The following C8A variants were observed in gnomAD, a reference collection of about 807,000 sequenced individuals.
C8A encodes the protein complement component C8 alpha chain.
A neutral mutation model predicts 65.3 loss-of-function variants in C8A; 67 were observed. The ratio of observed to expected loss-of-function variants is 1.03; its 90% CI spans 0.84 to 1.26. C8A has a LOEUF of 1.26. Ranked by LOEUF, C8A falls within the 50% of genes most tolerant of loss-of-function variation. The pLI, the probability that C8A is intolerant of heterozygous loss-of-function variation, is 0.00. For missense variants in C8A, 781 were observed against 723.9 expected (o/e 1.08, Z -0.90); for synonymous variants, 290 against 259.4 (o/e 1.12, Z -1.13).
chr1:56,909,836 T>C (rs1384835347), intron 9 of C8A, among the ~76,000 whole-genome samples: 2 of 152,024 alleles, frequency 1.3e-5, no homozygotes, highest in Non-Finnish European at 2.9e-5. Context: ...ACTTGGTAAA[T>C]GTCAGTTGAA....
At chr1:56,897,299 T>C (rs1265101102) in intron 7 of C8A, among the ~76,000 whole-genome samples, 1 of 152,172 alleles carries the variant, frequency 6.6e-6, no homozygotes, top group African/African-American at 2.4e-5. Context: ...GAAACTTAAG[T>C]ACAGGCACAG....
At chr1:56,897,201 T>C (rs547845662) in intron 7 of C8A, among the ~76,000 whole-genome samples, 6 of 152,334 alleles carry the variant, frequency 3.9e-5, no homozygotes, top group African/African-American at 9.6e-5. Flanking sequence ...TATTTCTAAA[T>C]GTAATGTTGA....
At chr1:56,888,920 G>T (rs1387097474) in intron 7 of C8A, among the ~76,000 whole-genome samples, 1 of 152,126 alleles carries the variant, frequency 6.6e-6, no homozygotes, top group Non-Finnish European at 1.5e-5. Context: ...GCCAGAATCT[G>T]GGGTCAGAGC....
At position 56,912,533 on chromosome 1, in the gene C8A, A is replaced by G. The variant is rs1474089035; in HGVS notation, c.1511A>G (p.Asn504Ser). Reference protein sequence around the residue: ...FNACRCGPCFNNGVPILEGTS... With the variant: ...FNACRCGPCFSNGVPILEGTS... ...GCCTGCCGATGTGGGCCTTGCTTCAACAATGGGGTGCCCATCCTCGAGGGC... is the reference window on the plus strand; with the variant it reads ...GCCTGCCGATGTGGGCCTTGCTTCAGCAATGGGGTGCCCATCCTCGAGGGC... The change falls in exon 10 of 11, where the codon AAC becomes AGC. Residue 504 changes from asparagine (N) to serine (S), a missense_variant. Physicochemically the swap from Asn to Ser is conservative, Grantham distance 46. Transcript: ENST00000361249. 6 of 1,614,236 alleles carry G rather than the reference A, an allele frequency of 3.7e-6. No homozygotes were observed. The highest frequency in any genetic ancestry group is 5.1e-6 in the Non-Finnish European group (6 of 1,180,044).
At chr1:56,885,555 GT>G (rs201414278) in intron 6 of C8A, among the ~76,000 whole-genome samples, 13 of 127,840 alleles carry the variant, frequency 1.0e-4, no homozygotes, top group South Asian at 2.5e-4. Context: ...TTTCTTTTTT[GT>G]TTTTTTTTGT....
chr1:56,895,770 C>A (rs568289978), intron 7 of C8A, among the ~76,000 whole-genome samples: 1 of 152,074 alleles, frequency 6.6e-6, no homozygotes, highest in East Asian at 1.9e-4. Context: ...GAGACCATAT[C>A]TCTATAAAAA....
intron 7 of C8A, among the ~76,000 whole-genome samples, chr1:56,901,611 G>A (rs950273212): frequency 2.0e-5 from 3 of 152,118 alleles, no homozygotes; most frequent in East Asian, 3.9e-4. Context: ...CACTACCTCT[G>A]TACTTCCTTA....
chr1:56,857,032 C>T (rs1328963895), intron 1 of C8A, among the ~76,000 whole-genome samples: 1 of 151,882 alleles, frequency 6.6e-6, no homozygotes, highest in African/African-American at 2.4e-5. Context: ...GTTTTAATTG[C>T]AGTTCTTTTA....
chr1:56,893,612 C>T (rs1422546023), intron 7 of C8A, among the ~76,000 whole-genome samples: 1 of 152,086 alleles, frequency 6.6e-6, no homozygotes, highest in African/African-American at 2.4e-5. Context: ...ATGGATATAG[C>T]ACAGTGGTTG....
intron 2 of C8A, among the ~76,000 whole-genome samples, chr1:56,870,838 T>C (rs900096469): frequency 6.6e-6 from 1 of 152,210 alleles, no homozygotes; most frequent in African/African-American, 2.4e-5. Context: ...AAGACCACCC[T>C]AGTTTTTTTT....
intron 6 of C8A, among the ~76,000 whole-genome samples, chr1:56,885,380 T>TTAAATATATATTTACG (rs1644286584): frequency 1.1e-5 from 1 of 94,590 alleles, no homozygotes; most frequent in African/African-American, 3.7e-5. Flanking sequence ...TTATATTTAT[T>TTAAATATATATTTACG]TAAATATATA....
intron 10 of C8A, among the ~76,000 whole-genome samples, chr1:56,913,153 A>T (rs562672546): frequency 4.3e-4 from 65 of 151,754 alleles, no homozygotes; most frequent in African/African-American, 1.6e-3. Flanking sequence ...TCCCTCTATA[A>T]CTCTGTTTCT....
intron 7 of C8A, among the ~76,000 whole-genome samples, chr1:56,900,460 TACTC>T (rs1644418329): frequency 6.6e-6 from 1 of 152,170 alleles, no homozygotes; most frequent in Non-Finnish European, 1.5e-5. Flanking sequence ...TTAAATGAGT[TACTC>T]AAGTCACTAC....
In C8A at chr1:56,883,503, C is replaced by T; in HGVS notation, c.677C>T (p.Ser226Phe). 1 of 1,613,344 alleles carries T rather than the reference C, an allele frequency of 6.2e-7. No homozygotes were observed. The highest frequency in any genetic ancestry group is 8.5e-7 in the Non-Finnish European group (1 of 1,179,718). The change falls in exon 6 of 11, where the codon TCC becomes TTC. Residue 226 changes from serine (S) to phenylalanine (F), a missense_variant. Coordinates refer to ENST00000361249, the MANE Select transcript of C8A (RefSeq NM_000562.3). ...CAGGCCCTGGCAGATACTGGAATCT[C>T]CTCAGAGTTTTATGATAATGCAAAT... Reference protein sequence around the residue: ...HFEALADTGISSEFYDNANDL... With the variant: ...HFEALADTGIFSEFYDNANDL...
intron 2 of C8A, 119 bp downstream of exon 2, chr1:56,867,821 T>C: frequency 5.2e-6 from 4 of 773,116 alleles, no homozygotes; most frequent in Non-Finnish European, 9.2e-6. Context: ...GGTCTAGAAA[T>C]TGTTGTTTGA....
rs772850144 is a variant in C8A, at chr1:56,867,715, C to G, written c.171+13C>G. On this transcript the variant is annotated intron_variant, in intron 2 of 10. Transcript: ENST00000361249. The stretch of plus-strand genomic sequence containing the variant: ...CCAGGACAAAAAGGTGAGACACTTA[C>G]AACCGGTTTGGGGGCATTTCATATT... 2.5e-6 allele frequency: 4 copies of G among 1,601,344 alleles called. No homozygotes were observed. The East Asian group carries it at 8.9e-5, about 36-fold the overall frequency.
chr1:56,893,920 C>T (rs1367238837), intron 7 of C8A, among the ~76,000 whole-genome samples: 1 of 152,144 alleles, frequency 6.6e-6, no homozygotes, highest in African/African-American at 2.4e-5. Flanking sequence ...GTTTCCTCTT[C>T]TAAATGAGTC....
chr1:56,877,842 C>A (rs535614718), intron 4 of C8A, among the ~76,000 whole-genome samples: 2 of 152,214 alleles, frequency 1.3e-5, no homozygotes, highest in South Asian at 4.2e-4. Flanking sequence ...TGGTTAATTG[C>A]TCTGAGATCA....
intron 6 of C8A, among the ~76,000 whole-genome samples, chr1:56,884,365 T>C (rs1316142868): frequency 6.6e-6 from 1 of 151,952 alleles, no homozygotes; most frequent in African/African-American, 2.4e-5. Flanking sequence ...AGTGATGAGG[T>C]TGGAGATGTA....
Sources: gnomAD v4.1 joint callset for allele counts (sites outside exome capture counted in the v4.1 genomes callset) on GRCh38, gnomAD v4.1.1 for gene constraint, MANE v1.5 for transcripts, NCBI Gene and HGNC (gene_info 2026-07-23, HGNC 2026-07-21) for gene names.